Variants in KIF23 observed in about 807,000 individuals in gnomAD.
KIF23 encodes kinesin-like protein KIF23.
Under a neutral mutation model 137.5 loss-of-function variants are expected in KIF23, and 30 were observed. The observed-to-expected ratio is 0.22, with a 90% CI of 0.16 to 0.30. The LOEUF is 0.30. KIF23 is among the 10% of genes least tolerant of loss of function. KIF23 has a pLI of 1.00. For missense variants in KIF23, 920 were observed against 1,194.3 expected (o/e 0.77, Z 3.38); for synonymous variants, 367 against 391.1 (o/e 0.94, Z 0.73).
Position 69,423,144 on chromosome 15 carries a change from C to CTTTT in KIF23, c.564-14_564-11dup. 2 of 1,142,066 alleles carry CTTTT rather than the reference C, an allele frequency of 1.8e-6. No homozygotes were observed. The highest frequency in any genetic ancestry group is 2.5e-6 in the Non-Finnish European group (2 of 814,706). The allele number at this position is 1,142,066 out of a possible 1,614,324, so 70.7% of individuals were successfully genotyped here. ...TGGACTTATAACGTATACAATTGAA[C>CTTTT]TTTTCTTTTTTTAGACGACAAGTAG... is the stretch of plus-strand genomic sequence containing the variant. On this transcript the variant is annotated splice_polypyrimidine_tract_variant and intron_variant, in intron 6 of 23. Coordinates refer to ENST00000679126, the MANE Select transcript of KIF23 (RefSeq NM_001367805.3).
In KIF23 at chr15:69,440,962, A is replaced by G. The variant is rs760457011; in HGVS notation, c.2304A>G (p.Gly768=). 69 of 1,614,120 alleles carry G rather than the reference A, an allele frequency of 4.3e-5. No homozygotes were observed. Among genetic ancestry groups the G allele is most frequent in the East Asian group, 1.6e-4 (7 of 44,900 alleles). ...CAAGGCGTAGGCAGCAGGAGCCAGG[A>G]CAAAGCAAAACTTGTATCGTGTCAG... The part of the protein sequence containing the change: ...SIARRRQQEP[G]QSKTCIVSDR... The change falls in exon 19 of 24, where the codon GGA becomes GGG. Residue 768 remains glycine, a synonymous_variant. Coordinates refer to ENST00000679126, the MANE Select transcript of KIF23 (RefSeq NM_001367805.3).
chr15:69,431,735 G>T (rs2057360529), intron 11 of KIF23, among the ~76,000 whole-genome samples: 1 of 152,206 alleles, frequency 6.6e-6, no homozygotes, highest in Non-Finnish European at 1.5e-5. Context: ...ATTAGCTTGG[G>T]ATGGACAGAG....
intron 16 of KIF23, among the ~76,000 whole-genome samples, chr15:69,438,839 C>T (rs2057544592): frequency 6.6e-6 from 1 of 151,874 alleles, no homozygotes; most frequent in Admixed American, 6.6e-5. Context: ...TGCGGGGGCT[C>T]ATGCCTGTAG....
chr15:69,434,435 C>A, intron 11 of KIF23: 1 of 438,570 alleles, frequency 2.3e-6, no homozygotes, highest in Non-Finnish European at 4.3e-6. Context: ...GTCTTTCTCC[C>A]TTCTCCCTGA....
At chr15:69,443,868 C>T (rs2057686001) in intron 19 of KIF23, 3 of 152,170 alleles carry the variant, frequency 2.0e-5, no homozygotes, top group Admixed American at 2.0e-4. Context: ...CAATTTCCAC[C>T]TCCTGGGCTC....
At chr15:69,431,506 C>T (rs562655479) in intron 11 of KIF23, among the ~76,000 whole-genome samples, 1 of 152,008 alleles carries the variant, frequency 6.6e-6, no homozygotes, top group South Asian at 2.1e-4. Flanking sequence ...CCCAGCTACT[C>T]GGGAGCCTGA....
intron 6 of KIF23, 112 bp downstream of exon 6, chr15:69,422,547 A>C (rs968582617): frequency 2.6e-5 from 17 of 665,040 alleles, no homozygotes; most frequent in Admixed American, 1.3e-4. Flanking sequence ...GACTTTTGTG[A>C]GATTAAAGTT....
chr15:69,434,600 A>G lies in KIF23; in HGVS notation c.1115-883A>G, dbSNP rs1040508076. 1.2e-5 allele frequency: 16 copies of G among 1,282,116 alleles called. No homozygotes were observed. The African/African-American group carries it at 2.2e-4, about 18-fold the overall frequency. The allele number at this position is 1,282,116 out of a possible 1,614,324, so 79.4% of individuals were successfully genotyped here. Reference sequence around the variant, plus strand: ...GATAACATCTCCTTCTTCCAAGGTCATGATCTTAGAAACATAGTTGATGAT... The same window carrying G: ...GATAACATCTCCTTCTTCCAAGGTCGTGATCTTAGAAACATAGTTGATGAT... On this transcript the variant is annotated intron_variant, in intron 11 of 23. Transcript: ENST00000679126.
chr15:69,434,250 G>A (rs373086655), intron 11 of KIF23, among the ~76,000 whole-genome samples: 5 of 152,282 alleles, frequency 3.3e-5, no homozygotes, highest in East Asian at 3.9e-4. Flanking sequence ...AAATTTTTCC[G>A]AAGCACCAGA....
Position 69,447,821 on chromosome 15 carries a change from G to A in KIF23, c.*14G>A, listed in dbSNP as rs751766866. On this transcript the variant is annotated 3_prime_UTR_variant, in exon 24 of 24. Transcript: ENST00000679126. Reference sequence around the variant, plus strand: ...AAAAAGCCATGAACTGACAGTCCCAGTACTGAAAGAACATTTTCATTTGTG... The same window carrying A: ...AAAAAGCCATGAACTGACAGTCCCAATACTGAAAGAACATTTTCATTTGTG... The A allele has an allele frequency of 1.2e-5, 20 of 1,604,602 alleles. No individual in the cohort carries two copies. Among genetic ancestry groups the A allele is most frequent in the East Asian group, 6.7e-5 (3 of 44,734 alleles).
At chr15:69,435,881 T>C (rs1456565868) in intron 13 of KIF23, 110 bp downstream of exon 13, 1 of 1,414,932 alleles carries the variant, frequency 7.1e-7, no homozygotes, top group Non-Finnish European at 9.7e-7. Context: ...AGAGAACCAT[T>C]GATTGTAGAA....
chr15:69,418,054 C>A (rs2056962798), intron 3 of KIF23, among the ~76,000 whole-genome samples: 1 of 152,038 alleles, frequency 6.6e-6, no homozygotes, highest in Admixed American at 6.6e-5. Flanking sequence ...ACAAATAATT[C>A]TCATATAAAT....
Position 69,426,367 on chromosome 15 carries a change from T to C in KIF23, c.921T>C (p.His307=). The C allele has an allele frequency of 6.2e-7, 1 of 1,614,160 alleles. No individual in the cohort carries two copies. The highest frequency in any genetic ancestry group is 1.1e-5 in the South Asian group (1 of 91,082). ...GQKKRRIANT[H]LNRESSRSHS... ...AAAAGAGACGTATTGCTAATACCCA[T>C]TTGAATCGTGAGTCCAGCCGTTCCC... is the stretch of plus-strand genomic sequence containing the variant. The change falls in exon 10 of 24, where the codon CAT becomes CAC. Residue 307 remains histidine, a synonymous_variant. Transcript: ENST00000679126.
chr15:69,434,645 A>C, intron 11 of KIF23: 1 of 1,466,926 alleles, frequency 6.8e-7, no homozygotes, highest in East Asian at 2.3e-5. Context: ...GGAAAAAGTC[A>C]TGGAGGATGT....
At position 69,440,786 on chromosome 15, in the gene KIF23, G is replaced by T. The variant is rs1251263885; in HGVS notation, c.2128G>T (p.Ala710Ser). The T allele has an allele frequency of 6.2e-7, 1 of 1,608,996 alleles. No homozygotes were observed. The highest frequency in any genetic ancestry group is 1.3e-5 in the African/African-American group (1 of 74,856). ...SPVPLSSNYIAQISNGQQLMS... is the reference protein window; with the variant it reads ...SPVPLSSNYISQISNGQQLMS... ...TTTCTAGCTTTCTAGTAACTATATT[G>T]CTCAGATTTCCAACGGCCAGCAACT... Residue 710 changes from alanine to serine, a missense_variant, in exon 19 of 24, where the codon GCT becomes TCT. This residue lies in a region of KIF23 where 714 missense variants were observed against 866.2 expected (regional missense o/e 0.82). Coordinates refer to ENST00000679126, the MANE Select transcript of KIF23 (RefSeq NM_001367805.3).
Position 69,447,793 on chromosome 15 carries a change from C to T in KIF23, c.2911C>T (p.Arg971Cys), listed in dbSNP as rs1204022697. ...PGYQHHAQPK[R>C]KKP ...TAAGTGCTGGTTGTTATGTTTTAGG[C>T]GCAAAAAGCCATGAACTGACAGTCC... is the stretch of plus-strand genomic sequence containing the variant. Residue 971 changes from arginine to cysteine, a missense_variant and splice_region_variant, in exon 24 of 24, where the codon CGC (arginine) becomes TGC (cysteine). Physicochemically the swap from Arg to Cys is radical, Grantham distance 180 (BLOSUM62 -3). Coordinates refer to ENST00000679126, the MANE Select transcript of KIF23 (RefSeq NM_001367805.3). 2 of 1,602,902 alleles carry T rather than the reference C, an allele frequency of 1.2e-6. No homozygotes were observed. The highest frequency in any genetic ancestry group is 1.3e-5 in the African/African-American group (1 of 74,782).
chr15:69,422,240 TC>T (rs35532787), intron 5 of KIF23, 85 bp from the exon 6 acceptor site: 3 of 1,458,022 alleles, frequency 2.1e-6, no homozygotes, highest in African/African-American at 2.8e-5. Context: ...CCTTAACTGT[TC>T]CTTAGTTTTT....
In KIF23 at chr15:69,444,813, C is replaced by T. The variant is rs528635354; in HGVS notation, c.2445C>T (p.Asn815=). Residue 815 remains asparagine, a synonymous_variant, in exon 20 of 24, where the codon AAC becomes AAT. Coordinates refer to ENST00000679126, the MANE Select transcript of KIF23 (RefSeq NM_001367805.3). This position sits in a 1 kb window ranked among gnomAD's most constrained non-coding sequence, Gnocchi z 4.2. The stretch of plus-strand genomic sequence containing the variant: ...AGTTACTCTTTCAACCTGATCAGAA[C>T]GCACCACCAATTCGTCTCCGACACA... ...CGRLLFQPDQ[N]APPIRLRHRR... 47 of 1,614,128 alleles carry T rather than the reference C, an allele frequency of 2.9e-5. No individual in the cohort carries two copies. The highest frequency in any genetic ancestry group is 2.5e-4 in the Admixed American group (15 of 60,020).
At chr15:69,432,496 A>G (rs2057379140) in intron 11 of KIF23, among the ~76,000 whole-genome samples, 1 of 152,120 alleles carries the variant, frequency 6.6e-6, no homozygotes, top group Admixed American at 6.5e-5. Context: ...TCTGTTTACC[A>G]TACTTGTAGA....
Sources: allele counts gnomAD v4.1 joint callset (sites outside exome capture counted in the v4.1 genomes callset), GRCh38; gene constraint gnomAD v4.1.1; regional missense constraint gnomAD v4.1.1; non-coding constraint Gnocchi (gnomAD v3.1); transcripts MANE v1.5; gene names NCBI Gene and HGNC (gene_info 2026-07-23, HGNC 2026-07-21).